The following COL6A6 variants were observed in gnomAD, a reference collection of about 807,000 sequenced individuals.
The protein encoded by COL6A6 is collagen alpha-6(VI) chain.
A neutral mutation model predicts 208.6 loss-of-function variants in COL6A6; 183 were observed. The ratio of observed to expected loss-of-function variants is 0.88; its 90% CI spans 0.78 to 0.99. COL6A6 has a LOEUF of 0.99. COL6A6 is among the 50% of genes least tolerant of loss of function. The probability of loss-of-function intolerance (pLI) is 0.00; values close to 1 mark genes in which losing one functional copy is unlikely to be tolerated. For synonymous variants in COL6A6, 973 were observed against 1,011.8 expected, an observed-to-expected ratio of 0.96 and a Z score of 0.73; for missense variants, 2,816 against 2,815.2, an observed-to-expected ratio of 1.00 and a Z score of -0.01.
At chr3:130,636,866 T>TCCCCC (rs1559773233) in intron 28 of COL6A6, among the ~76,000 whole-genome samples, 1 of 3,460 alleles carries the variant, frequency 2.9e-4, no homozygotes, top group Non-Finnish European at 4.5e-4. Context: ...CTCCCCTTCC[T>TCCCCC]TCCCTTCCCC....
At chr3:130,628,104 T>A (rs72996256) in intron 26 of COL6A6, among the ~76,000 whole-genome samples, 12 of 152,282 alleles carry the variant, frequency 7.9e-5, no homozygotes, top group African/African-American at 2.9e-4. Context: ...TAATTCCAAG[T>A]GAAATCCCAA....
At chr3:130,566,621 A>G (rs1293666516) in intron 4 of COL6A6, 81 bp from the exon 5 acceptor site, 2 of 1,202,342 alleles carry the variant, frequency 1.7e-6, no homozygotes, top group Admixed American at 5.6e-5. Flanking sequence ...AGAGGTTCAT[A>G]TTTGTTCTTC....
chr3:130,590,940 A>G (rs2063698805), intron 12 of COL6A6, 101 bp from the exon 13 acceptor site: 6 of 840,908 alleles, frequency 7.1e-6, no homozygotes, highest in Non-Finnish European at 1.2e-5. Context: ...TCAAACACTT[A>G]CTATTCCACA....
chr3:130,570,952 G>A lies in COL6A6; in HGVS notation c.2536G>A (p.Val846Ile), dbSNP rs1301120093. 1.2e-6 allele frequency: 2 copies of A among 1,614,036 alleles called. No individual in the cohort carries two copies. Among genetic ancestry groups the A allele is most frequent in the South Asian group, 1.1e-5 (1 of 91,080 alleles). The change falls in exon 7 of 37, where the codon GTC (valine) becomes ATC (isoleucine). Residue 846 changes from valine (V) to isoleucine (I), a missense_variant. By Grantham distance (29) the Val-to-Ile change is conservative (BLOSUM62 3). Coordinates refer to ENST00000358511, the MANE Select transcript of COL6A6 (RefSeq NM_001102608.3). Reference sequence around the variant, plus strand: ...AAAAGCTGATGTGGGCAAGAATCAGGTCCGGTTTGGGGCTCTGAAGTATGC... The same window carrying A: ...AAAAGCTGATGTGGGCAAGAATCAGATCCGGTTTGGGGCTCTGAAGTATGC... Reference protein sequence around the residue: ...VKKADVGKNQVRFGALKYADD... With the variant: ...VKKADVGKNQIRFGALKYADD...
Position 130,608,900 on chromosome 3 carries a change from A to G in COL6A6, c.4690-2A>G, listed in dbSNP as rs984140327. The G allele has an allele frequency of 2.4e-5, 38 of 1,611,154 alleles. No homozygotes were observed. The highest frequency in any genetic ancestry group is 3.2e-5 in the Non-Finnish European group (38 of 1,178,660). ...TAACAGATTGATTCTTTCTCGCCAC[A>G]GGGAACAGCAGGCATCCCAGGACCA... is the stretch of plus-strand genomic sequence containing the variant. On this transcript the variant is annotated splice_acceptor_variant, in intron 21 of 36. Coordinates refer to ENST00000358511, the MANE Select transcript of COL6A6 (RefSeq NM_001102608.3). LOFTEE classifies it high-confidence loss of function.
intron 1 of COL6A6, among the ~76,000 whole-genome samples, chr3:130,553,909 A>G (rs1037583586): frequency 5.3e-5 from 8 of 149,826 alleles, no homozygotes; most frequent in African/African-American, 2.0e-4. Flanking sequence ...TGGGAGTTTG[A>G]TTGTGGTATA....
intron 22 of COL6A6, 107 bp downstream of exon 22, chr3:130,609,071 G>T: frequency 1.3e-6 from 1 of 796,836 alleles, no homozygotes; most frequent in Non-Finnish European, 2.1e-6. Context: ...AGAATTCCAT[G>T]TTTAAAGTTC....
intron 18 of COL6A6, 128 bp downstream of exon 18, chr3:130,594,471 T>G: frequency 1.4e-6 from 1 of 699,208 alleles, no homozygotes; most frequent in African/African-American, 1.8e-5. Context: ...GATTGTAACA[T>G]TTTAAATTCA....
chr3:130,662,595 C>CG (rs1048036809), intron 35 of COL6A6, among the ~76,000 whole-genome samples: 3 of 151,956 alleles, frequency 2.0e-5, no homozygotes, highest in African/African-American at 7.3e-5. Flanking sequence ...CAGTGCAGTC[C>CG]GGGGGTGTGA....
intron 10 of COL6A6, among the ~76,000 whole-genome samples, chr3:130,586,285 C>T (rs1248298238): frequency 2.6e-5 from 4 of 152,188 alleles, no homozygotes; most frequent in African/African-American, 9.7e-5. Flanking sequence ...ACAATTTTCC[C>T]TGTCTCCAAT....
At chr3:130,530,115 G>A (rs560283463) in intron 1 of COL6A6, among the ~76,000 whole-genome samples, 48 of 152,368 alleles carry the variant, frequency 3.2e-4, no homozygotes, top group African/African-American at 1.1e-3. Context: ...GTTCCAGTGT[G>A]AGGATCACAG....
In COL6A6 at chr3:130,626,356, C is replaced by T. The variant is rs192212716; in HGVS notation, c.4879-129C>T. ...CCTCCCTGGCCAACAACAGCAGTTC[C>T]TCTTGTATCACTTGCACGACACACA... On this transcript the variant is annotated intron_variant, in intron 24 of 36. Coordinates refer to ENST00000358511, the MANE Select transcript of COL6A6 (RefSeq NM_001102608.3). The T allele has an allele frequency of 1.5e-4, 110 of 710,592 alleles. No homozygotes were observed. In the Admixed American group the frequency reaches 2.3e-3, roughly 15 times the overall value. The allele number at this position is 710,592 out of a possible 1,614,324, so 44.0% of individuals were successfully genotyped here. A position where few individuals can be genotyped will look rare whatever the true frequency, so the allele number is the denominator to read the frequency against.
At chr3:130,664,496 TA>T (rs535720539) in intron 35 of COL6A6, among the ~76,000 whole-genome samples, 12 of 152,202 alleles carry the variant, frequency 7.9e-5, no homozygotes, top group Non-Finnish European at 1.6e-4. Flanking sequence ...TTACATGGTA[TA>T]AAAAGAGGCA....
At position 130,675,413 on chromosome 3, in the gene COL6A6, A is replaced by G. The variant is rs1197755036; in HGVS notation, c.*16A>G. The stretch of plus-strand genomic sequence containing the variant: ...ACATGATTAAAAAAATGCTTGAACA[A>G]CTTAGCCTTAGGAAGCATGGTAAGA... On this transcript the variant is annotated 3_prime_UTR_variant, in exon 37 of 37. Transcript: ENST00000358511. 2 of 1,544,176 alleles carry G rather than the reference A, an allele frequency of 1.3e-6. No homozygotes were observed. The highest frequency in any genetic ancestry group is 1.7e-6 in the Non-Finnish European group (2 of 1,144,360).
At chr3:130,595,648 C>G (rs1053721842) in intron 18 of COL6A6, among the ~76,000 whole-genome samples, 1 of 152,114 alleles carries the variant, frequency 6.6e-6, no homozygotes, top group East Asian at 1.9e-4. Flanking sequence ...CATTCAATTT[C>G]GTGGCTGCAT....
intron 23 of COL6A6, among the ~76,000 whole-genome samples, chr3:130,616,552 GAAA>G (rs35307177): frequency 1.5e-4 from 18 of 120,798 alleles, no homozygotes; most frequent in South Asian, 3.0e-4. Context: ...ATCAATGCCT[GAAA>G]AAAAAAAAAA....
intron 1 of COL6A6, among the ~76,000 whole-genome samples, chr3:130,552,259 C>T (rs757143600): frequency 3.3e-5 from 5 of 152,054 alleles, no homozygotes; most frequent in East Asian, 1.9e-4. Context: ...ACTATTATTG[C>T]GTGGCTATCT....
In COL6A6 at chr3:130,563,205, C is replaced by G; in HGVS notation, c.202C>G (p.Leu68Val). 6.2e-7 allele frequency: 1 copy of G among 1,613,994 alleles called. No individual in the cohort carries two copies. Among genetic ancestry groups the G allele is most frequent in the South Asian group, 1.1e-5 (1 of 91,074 alleles). ...PIEADKYRVA[L>V]AQYSDKLHSE... Reference sequence around the variant, plus strand: ...AGAGGCCGACAAATACCGTGTGGCCCTGGCCCAGTACAGTGATAAACTTCA... The same window carrying G: ...AGAGGCCGACAAATACCGTGTGGCCGTGGCCCAGTACAGTGATAAACTTCA... The change falls in exon 3 of 37, where the codon CTG (leucine) becomes GTG (valine). Residue 68 changes from leucine (L) to valine (V), a missense_variant. By Grantham distance (32) the Leu-to-Val change is conservative (BLOSUM62 1). Coordinates refer to ENST00000358511, the MANE Select transcript of COL6A6 (RefSeq NM_001102608.3).
intron 36 of COL6A6, among the ~76,000 whole-genome samples, chr3:130,673,183 A>AAAAAAAAC (rs2066266234): frequency 1.4e-5 from 2 of 144,112 alleles, no homozygotes; most frequent in South Asian, 2.1e-4. Flanking sequence ...TATCTCAAAA[A>AAAAAAAAC]AAAAAAACAA....
Sources: gnomAD v4.1 joint callset for allele counts (sites outside exome capture counted in the v4.1 genomes callset) on GRCh38, gnomAD v4.1.1 for gene constraint, MANE v1.5 for transcripts, NCBI Gene and HGNC (gene_info 2026-07-23, HGNC 2026-07-21) for gene names.